The following MYLK variants were observed in gnomAD, a reference collection of about 807,000 sequenced individuals.
The protein encoded by MYLK is myosin light chain kinase, also known as myosin light chain kinase, smooth muscle.
MYLK carries 106 observed loss-of-function variants against 203.4 expected under a neutral mutation model. That is an observed-to-expected ratio of 0.52 (90% CI 0.45 to 0.61). The LOEUF is 0.61. MYLK is among the 20% of genes least tolerant of loss of function. The pLI, the probability that MYLK is intolerant of heterozygous loss-of-function variation, is 0.00. For synonymous variants in MYLK, 867 were observed against 959.5 expected (o/e 0.90, Z 1.78); for missense variants, 2,072 against 2,442.3 (o/e 0.85, Z 3.20).
intron 20 of MYLK, chr3:123,681,723 G>A (rs1434765288): frequency 5.5e-6 from 1 of 182,302 alleles, no homozygotes; most frequent in South Asian, 1.3e-4. Flanking sequence ...CAGGCCACAT[G>A]TGGGACCACG....
chr3:123,610,964 T>C lies in MYLK; in HGVS notation c.*3141A>G, dbSNP rs536242594. On this transcript the variant is annotated 3_prime_UTR_variant, in exon 34 of 34. Transcript: ENST00000360304. ...AACAATCAATGGATTATTTTTTATA[T>C]GTTTGGGATGAAAATGAATGGAAGA... 3 of 152,328 alleles carry C rather than the reference T, an allele frequency of 2.0e-5. No individual in the cohort carries two copies. In the East Asian group the frequency reaches 5.8e-4, roughly 29 times the overall value. The allele number at this position is 152,328 out of a possible 1,614,324, so 9.4% of individuals were successfully genotyped here.
rs540816551 is a variant in MYLK at position 123,708,931 on chromosome 3, G to A, written c.1943-36C>T. ...AGGAGGGGAAGGGGGATTGGTTAGG[G>A]AGGTCCTCCCCGGCCATGCAGCAAC... On this transcript the variant is annotated intron_variant, in intron 14 of 33. Coordinates refer to ENST00000360304, the MANE Select transcript of MYLK (RefSeq NM_053025.4). 13 of 1,596,500 alleles carry A rather than the reference G, an allele frequency of 8.1e-6. No individual in the cohort carries two copies. The Admixed American group carries it at 2.0e-4, about 25-fold the overall frequency.
intron 3 of MYLK, among the ~76,000 whole-genome samples, chr3:123,797,802 C>A (rs931261821): frequency 4.6e-5 from 7 of 152,144 alleles, no homozygotes; most frequent in Admixed American, 2.0e-4. Flanking sequence ...GTATGTAACA[C>A]CCATAATATA....
At chr3:123,733,177 G>T in intron 10 of MYLK, 75 bp from the exon 11 acceptor site, 1 of 1,509,606 alleles carries the variant, frequency 6.6e-7, no homozygotes, top group South Asian at 1.2e-5. Flanking sequence ...AGGTGGGGAA[G>T]GTGTGAGCTG....
intron 19 of MYLK, among the ~76,000 whole-genome samples, chr3:123,684,327 A>G (rs948828031): frequency 6.6e-6 from 1 of 152,126 alleles, no homozygotes; most frequent in African/African-American, 2.4e-5. Context: ...AAGCACAGGG[A>G]GTGCGCAGGG....
Position 123,692,866 on chromosome 3 carries a change from T to A in MYLK, c.3449-15A>T. 1 of 1,606,680 alleles carries A rather than the reference T, an allele frequency of 6.2e-7. No individual in the cohort carries two copies. The highest frequency in any genetic ancestry group is 2.2e-5 in the East Asian group (1 of 44,830). On this transcript the variant is annotated splice_polypyrimidine_tract_variant and intron_variant, in intron 18 of 33. Coordinates refer to ENST00000360304, the MANE Select transcript of MYLK (RefSeq NM_053025.4). The stretch of plus-strand genomic sequence containing the variant: ...GCAGAGTGAGCCTGGGGAGGAAGAA[T>A]TGTGGAGTGAACCAGGTGTGGTCGT...
chr3:123,679,247 T>C (rs987675871), intron 20 of MYLK, among the ~76,000 whole-genome samples: 4 of 148,966 alleles, frequency 2.7e-5, no homozygotes, highest in African/African-American at 1.0e-4. Flanking sequence ...GCGGAGGTTG[T>C]AGTGAGCGGA....
chr3:123,626,994 C>G (rs1559981929), intron 30 of MYLK, 53 bp from the exon 31 acceptor site: 1 of 1,610,954 alleles, frequency 6.2e-7, no homozygotes, highest in Non-Finnish European at 8.5e-7. Flanking sequence ...CCTCAGAGAC[C>G]ACTGGTTAGT....
At position 123,832,320 on chromosome 3, in the gene MYLK, C is replaced by T. The variant is rs531900339; in HGVS notation, c.-126-650G>A. 3.3e-5 allele frequency among the ~76,000 whole-genome samples: 5 copies of T among 152,324 alleles called. No individual in the cohort carries two copies. In the South Asian group the frequency reaches 1.0e-3, roughly 32 times the overall value. ...TCCTCCCTTCAGACACTTTTGTTTT[C>T]CTCTGAGGGAAAATCTCACTTCTTA... is the stretch of plus-strand genomic sequence containing the variant. On this transcript the variant is annotated intron_variant, in intron 2 of 33. Transcript: ENST00000360304.
At chr3:123,790,271 A>G (rs1272669012) in intron 4 of MYLK, among the ~76,000 whole-genome samples, 2 of 152,226 alleles carry the variant, frequency 1.3e-5, no homozygotes, top group Non-Finnish European at 2.9e-5. Context: ...CAGAAAAGCA[A>G]GGGCTTTTCC....
intron 13 of MYLK, among the ~76,000 whole-genome samples, chr3:123,715,448 TA>T (rs1331228416): frequency 6.6e-6 from 1 of 152,234 alleles, no homozygotes; most frequent in Non-Finnish European, 1.5e-5. Context: ...TCTAGCCAAT[TA>T]GACTTTCCTA....
rs58401553 is a variant in MYLK, at chr3:123,679,305, CAAAAAAAA to C, written c.3652+2911_3652+2918del. The stretch of plus-strand genomic sequence containing the variant: ...CTGGTGACAGAGCGAGACTCTGTCT[CAAAAAAAA>C]AAAAAAAAACAAAACAAGACATCTC... On this transcript the variant is annotated intron_variant, in intron 20 of 33. Transcript: ENST00000360304. 3.9e-5 allele frequency among the ~76,000 whole-genome samples: 3 copies of C among 76,886 alleles called. No individual in the cohort carries two copies. The East Asian group carries it at 9.2e-4, about 24-fold the overall frequency. The allele number at this position is 76,886 out of a possible 152,430, so 50.4% of individuals were successfully genotyped here.
In MYLK at chr3:123,675,443, C is replaced by T. The variant is rs568288003; in HGVS notation, c.3652+6781G>A. ...TCAGTCTGAAGGCACCTGAATGCCT[C>T]GCTCTGAAACATGGAAAATCAGCAG... On this transcript the variant is annotated intron_variant, in intron 20 of 33. Coordinates refer to ENST00000360304, the MANE Select transcript of MYLK (RefSeq NM_053025.4). 6.6e-5 allele frequency among the ~76,000 whole-genome samples: 10 copies of T among 152,290 alleles called. No individual in the cohort carries two copies. In the East Asian group the frequency reaches 1.2e-3, roughly 18 times the overall value.
chr3:123,753,497 A>C (rs2063268712), intron 4 of MYLK, among the ~76,000 whole-genome samples: 1 of 134,834 alleles, frequency 7.4e-6, no homozygotes, highest in Non-Finnish European at 1.6e-5. Context: ...TTTTTTTGAG[A>C]TGGAGTCTTG....
At chr3:123,875,500 T>C (rs1374553625) in intron 2 of MYLK, among the ~76,000 whole-genome samples, 2 of 152,186 alleles carry the variant, frequency 1.3e-5, no homozygotes, top group Non-Finnish European at 2.9e-5. Context: ...AAGGCAATTC[T>C]GGGAGGTGAT....
rs970221471 is a variant in MYLK, at chr3:123,684,747, G to A, written c.3566-2437C>T. Among the ~76,000 whole-genome samples, 5 of 152,314 alleles carry A rather than the reference G, an allele frequency of 3.3e-5. No individual in the cohort carries two copies. The East Asian group carries it at 5.8e-4, about 18-fold the overall frequency. ...GATGGGGTTTCGCCATGTTGGCCAG[G>A]CTGGTCTTGAATTCCTGGCCTCAGG... On this transcript the variant is annotated intron_variant, in intron 19 of 33. Transcript: ENST00000360304.
intron 12 of MYLK, among the ~76,000 whole-genome samples, chr3:123,722,643 A>G (rs2062134536): frequency 6.6e-6 from 1 of 152,172 alleles, no homozygotes; most frequent in Non-Finnish European, 1.5e-5. Context: ...TCAACTTCAC[A>G]GAATTCTGAG....
At chr3:123,762,888 C>T (rs923282495) in intron 4 of MYLK, among the ~76,000 whole-genome samples, 1 of 152,174 alleles carries the variant, frequency 6.6e-6, no homozygotes, top group Non-Finnish European at 1.5e-5. Flanking sequence ...AAATGAATTC[C>T]TATTGTTTAT....
At chr3:123,719,653 CAGGGCT>C (rs2062020255) in intron 13 of MYLK, among the ~76,000 whole-genome samples, 1 of 152,346 alleles carries the variant, frequency 6.6e-6, no homozygotes, top group Non-Finnish European at 1.5e-5. Context: ...CGCCAGGGTG[CAGGGCT>C]AGTAAGTGGC....
Sources: allele counts gnomAD v4.1 joint callset (sites outside exome capture counted in the v4.1 genomes callset), GRCh38; gene constraint gnomAD v4.1.1; transcripts MANE v1.5; gene names NCBI Gene and HGNC (gene_info 2026-07-23, HGNC 2026-07-21).